COL5A2: variants seen among roughly 807,000 people sequenced by gnomAD.
The protein encoded by COL5A2 is collagen type V alpha 2 chain.
In COL5A2, 23 loss-of-function variants were observed where a neutral mutation model predicts 208.2. That is an observed-to-expected ratio of 0.11 (90% CI 0.08 to 0.16). The LOEUF (loss-of-function observed/expected upper bound fraction) is 0.16. Among genes scored for constraint, COL5A2 ranks in the 10% least tolerant of loss-of-function variants. The pLI is 1.00. For synonymous variants in COL5A2, 625 were observed against 628.5 expected (o/e 0.99, Z 0.08); for missense variants, 1,590 against 1,956.4 (o/e 0.81, Z 3.53).
the COL5A2 span, among the ~76,000 whole-genome samples, chr2:189,295,152 A>G: frequency 1.3e-5 from 2 of 152,220 alleles, no homozygotes; most frequent in Admixed American, 1.3e-4. Flanking sequence ...AGATTCCTAG[A>G]AAGTTTTATT....
At chr2:189,053,778 G>C (rs1368636892) in intron 37 of COL5A2, 117 bp downstream of exon 37, 3 of 945,198 alleles carry the variant, frequency 3.2e-6, no homozygotes, top group Non-Finnish European at 4.9e-6. Flanking sequence ...TAAAAACCAG[G>C]AAGTTATACA....
intron 1 of COL5A2, among the ~76,000 whole-genome samples, chr2:189,128,637 G>T (rs943588059): frequency 6.6e-6 from 1 of 151,840 alleles, no homozygotes; most frequent in Non-Finnish European, 1.5e-5. Context: ...TTTGAAACTG[G>T]AAACTTGTAT....
Position 189,044,199 on chromosome 2 carries a change from T to C in COL5A2, c.3364-941A>G, listed in dbSNP as rs538172648. Among the ~76,000 whole-genome samples, 3 of 152,346 alleles carry C rather than the reference T, an allele frequency of 2.0e-5. No homozygotes were observed. In the East Asian group the frequency reaches 5.8e-4, roughly 29 times the overall value. ...AAGATGACTGCAGTCATCAAATCAA[T>C]TGGCTCTCAGGTTAATTTTTCCCTT... On this transcript the variant is annotated intron_variant, in intron 47 of 53. Coordinates refer to ENST00000374866, the MANE Select transcript of COL5A2 (RefSeq NM_000393.5).
chr2:189,276,799 C>T, the COL5A2 span, among the ~76,000 whole-genome samples: 4 of 151,972 alleles, frequency 2.6e-5, no homozygotes, highest in African/African-American at 9.7e-5. Flanking sequence ...TTATTTCATA[C>T]CTTCTGGTAG....
rs1430863686 is a variant in COL5A2, at chr2:189,039,428, C to T, written c.3769G>A (p.Ala1257Thr). The stretch of plus-strand genomic sequence containing the variant: ...TCCGTTTTGTTTTTGTCATCAGGAG[C>T]CGCCTGATCTTCAGTAAACTCAGGA... ...PLPEFTEDQA[A>T]PDDKNKTDPG... Residue 1257 changes from alanine (A) to threonine (T), a missense_variant, in exon 51 of 54, where the codon GCT (alanine) becomes ACT (threonine). By Grantham distance (58) the Ala-to-Thr change is moderately conservative. Coordinates refer to ENST00000374866, the MANE Select transcript of COL5A2 (RefSeq NM_000393.5). 1.2e-6 allele frequency: 2 copies of T among 1,614,040 alleles called. No homozygotes were observed. The highest frequency in any genetic ancestry group is 1.7e-6 in the Non-Finnish European group (2 of 1,180,004).
At chr2:189,261,141 C>A in the COL5A2 span, among the ~76,000 whole-genome samples, 1 of 152,050 alleles carries the variant, frequency 6.6e-6, no homozygotes, top group African/African-American at 2.4e-5. Context: ...ATGTAACTCA[C>A]AATCAATATA....
chr2:189,090,283 AC>A lies in COL5A2; in HGVS notation c.568-1512del, dbSNP rs143802495. Among the ~76,000 whole-genome samples the A allele has an allele frequency of 7.4e-3, 1,133 of 152,306 alleles. 6 individuals are homozygous for A. Among genetic ancestry groups the A allele is most frequent in the Middle Eastern group, 0.014 (4 of 294 alleles). ...AAATCGAATCTAGAGCAAGGCCCTA[AC>A]CCTCTTCAATTCTGTGAAGGCTGAA... On this transcript the variant is annotated intron_variant, in intron 7 of 53. Transcript: ENST00000374866.
the COL5A2 span, among the ~76,000 whole-genome samples, chr2:189,352,606 G>A: frequency 2.0e-5 from 3 of 152,176 alleles, no homozygotes; most frequent in Non-Finnish European, 2.9e-5. Flanking sequence ...CTTTTGAGAA[G>A]AGTCTGTTCA....
the COL5A2 span, among the ~76,000 whole-genome samples, chr2:189,281,528 A>C: frequency 6.6e-6 from 1 of 152,212 alleles, no homozygotes; most frequent in Admixed American, 6.5e-5. Flanking sequence ...ACAAAAGAAG[A>C]ATAATATGGC....
chr2:189,115,044 C>A (rs1312507426), intron 1 of COL5A2, among the ~76,000 whole-genome samples: 1 of 152,086 alleles, frequency 6.6e-6, no homozygotes. Context: ...ATGTTTATCT[C>A]CCAACCTACA....
In COL5A2 at chr2:189,074,368, T is replaced by C. The variant is rs551965911; in HGVS notation, c.1104+1025A>G. Among the ~76,000 whole-genome samples the C allele has an allele frequency of 4.6e-5, 7 of 152,208 alleles. No homozygotes were observed. The South Asian group carries it at 1.0e-3, about 23-fold the overall frequency. On this transcript the variant is annotated intron_variant, in intron 17 of 53. Coordinates refer to ENST00000374866, the MANE Select transcript of COL5A2 (RefSeq NM_000393.5). ...ATTAAAGGTTCATAGTTACAGAGGA[T>C]TACCTATGAAATAGTGCAAGATGGT...
Position 189,045,912 on chromosome 2 carries a change from C to T in COL5A2, c.3202-5G>A, listed in dbSNP as rs1052504881. 1 of 1,609,432 alleles carries T rather than the reference C, an allele frequency of 6.2e-7. No individual in the cohort carries two copies. The highest frequency in any genetic ancestry group is 8.5e-7 in the Non-Finnish European group (1 of 1,175,716). ...CCCAGGGTCTCCACGATCACCCTAACAAGAATAACCATGATATTATTTTTT... is the reference window on the plus strand; with the variant it reads ...CCCAGGGTCTCCACGATCACCCTAATAAGAATAACCATGATATTATTTTTT... On this transcript the variant is annotated splice_polypyrimidine_tract_variant and splice_region_variant and intron_variant, in intron 45 of 53. Coordinates refer to ENST00000374866, the MANE Select transcript of COL5A2 (RefSeq NM_000393.5).
the COL5A2 span, among the ~76,000 whole-genome samples, chr2:189,382,318 G>A: frequency 2.0e-5 from 3 of 151,996 alleles, no homozygotes; most frequent in Non-Finnish European, 2.9e-5. Context: ...TGATCATGCC[G>A]CTACACTCCA....
At chr2:189,100,017 G>A in intron 4 of COL5A2, 90 bp downstream of exon 4, 1 of 1,109,214 alleles carries the variant, frequency 9.0e-7, no homozygotes, top group South Asian at 1.4e-5. Context: ...ATTTATTTTT[G>A]AAAGTATGTA....
rs1368356338 is a variant in COL5A2 at position 189,051,432 on chromosome 2, G to A, written c.2819C>T (p.Pro940Leu). 6 of 1,613,486 alleles carry A rather than the reference G, an allele frequency of 3.7e-6. No individual in the cohort carries two copies. The highest frequency in any genetic ancestry group is 5.1e-6 in the Non-Finnish European group (6 of 1,179,634). The change falls in exon 42 of 54, where the codon CCT becomes CTT. Residue 940 changes from proline (P) to leucine (L), a missense_variant. Coordinates refer to ENST00000374866, the MANE Select transcript of COL5A2 (RefSeq NM_000393.5). The stretch of plus-strand genomic sequence containing the variant: ...GCCAGGGTCCCCACGAAGACCTGGA[G>A]GTCCCTCCTTCCCGGGTTCCCCTAG... ...GPLGEPGKEGPPGLRGDPGSH... is the reference protein window; with the variant it reads ...GPLGEPGKEGLPGLRGDPGSH...
At chr2:189,242,234 G>A in the COL5A2 span, among the ~76,000 whole-genome samples, 1 of 152,120 alleles carries the variant, frequency 6.6e-6, no homozygotes, top group African/African-American at 2.4e-5. Context: ...CACTGACACA[G>A]CATTAGATAC....
the COL5A2 span, among the ~76,000 whole-genome samples, chr2:189,280,020 T>C: frequency 6.6e-6 from 1 of 152,000 alleles, no homozygotes. Flanking sequence ...CTCTCATCCA[T>C]TCAAGCATGT....
upstream of COL5A2, among the ~76,000 whole-genome samples, chr2:189,227,297 CA>C (rs1689434096): frequency 6.6e-6 from 1 of 152,012 alleles, no homozygotes; most frequent in South Asian, 2.1e-4. Flanking sequence ...AAATAAACAT[CA>C]TAAATAAAGA....
intron 30 of COL5A2, 61 bp downstream of exon 30, chr2:189,061,501 T>TA (rs1400860714): frequency 4.7e-5 from 58 of 1,229,884 alleles, no homozygotes; most frequent in Middle Eastern, 1.9e-4. Context: ...ATCTTTTTTT[T>TA]TAAAAAAAAA....
Sources: allele counts gnomAD v4.1 joint callset (sites outside exome capture counted in the v4.1 genomes callset), GRCh38; gene constraint gnomAD v4.1.1; transcripts MANE v1.5; gene names NCBI Gene and HGNC (gene_info 2026-07-23, HGNC 2026-07-21).